The following CHD1L variants were observed in gnomAD, a reference collection of about 807,000 sequenced individuals.
CHD1L encodes chromodomain helicase DNA binding protein 1 like.
CHD1L carries 118 observed loss-of-function variants against 115.9 expected under a neutral mutation model. That is an observed-to-expected ratio of 1.02 (90% CI 0.88 to 1.19). CHD1L has a LOEUF of 1.19. Among genes scored for constraint, CHD1L ranks in the 50% most tolerant of loss-of-function variants. The pLI, the probability that CHD1L is intolerant of heterozygous loss-of-function variation, is 0.00. For missense variants in CHD1L, 1,179 were observed against 1,065.3 expected (o/e 1.11, Z -1.49); for synonymous variants, 411 against 387.1 (o/e 1.06, Z -0.72).
chr1:147,254,473 T>C (rs914904562), intron 2 of CHD1L, among the ~76,000 whole-genome samples: 1 of 152,188 alleles, frequency 6.6e-6, no homozygotes, highest in Non-Finnish European at 1.5e-5. Context: ...AGGGCCACCA[T>C]GCGATTGGCC....
chr1:147,205,965 C>G, the CHD1L span, among the ~76,000 whole-genome samples: 1 of 152,068 alleles, frequency 6.6e-6, no homozygotes, highest in Non-Finnish European at 1.5e-5. Flanking sequence ...AAACTACCAT[C>G]AAAGTGAACA....
At chr1:147,239,280 C>T (rs1424111188), upstream of CHD1L, among the ~76,000 whole-genome samples, 1 of 152,220 alleles carries the variant, frequency 6.6e-6, no homozygotes, top group African/African-American at 2.4e-5. Context: ...CATCTCTCAG[C>T]CGCTGGCTAA....
At chr1:147,213,400 G>A in the CHD1L span, 1 of 1,613,708 alleles carries the variant, frequency 6.2e-7, no homozygotes, top group South Asian at 1.1e-5. Flanking sequence ...TTTCCCTTCA[G>A]ATTCAGTGAC....
At chr1:147,226,619 G>A in the CHD1L span, among the ~76,000 whole-genome samples, 1 of 152,120 alleles carries the variant, frequency 6.6e-6, no homozygotes, top group East Asian at 1.9e-4. Flanking sequence ...TGACAGATGT[G>A]AGGGGTTGTA....
chr1:147,282,744 C>T (rs906857190), intron 15 of CHD1L, among the ~76,000 whole-genome samples: 14 of 152,146 alleles, frequency 9.2e-5, no homozygotes, highest in African/African-American at 1.4e-4. Context: ...ATTTTCCTAA[C>T]GTTTACTAGA....
the CHD1L span, among the ~76,000 whole-genome samples, chr1:147,220,576 G>A: frequency 6.6e-6 from 1 of 152,342 alleles, no homozygotes. Flanking sequence ...CAACTTTACA[G>A]TGTGGCAAAA....
At chr1:147,225,116 T>C in the CHD1L span, 5 of 1,599,688 alleles carry the variant, frequency 3.1e-6, no homozygotes, top group South Asian at 1.1e-5. Flanking sequence ...TTAACATTTT[T>C]CAAGGAAGAC....
In CHD1L at chr1:147,286,458, C is replaced by G; in HGVS notation, c.2179C>G (p.Pro727Ala). 1 of 1,614,076 alleles carries G rather than the reference C, an allele frequency of 6.2e-7. No homozygotes were observed. The highest frequency in any genetic ancestry group is 8.5e-7 in the Non-Finnish European group (1 of 1,180,028). The change falls in exon 18 of 23, where the codon CCT becomes GCT. Residue 727 changes from proline to alanine, a missense_variant. Physicochemically the swap from Pro to Ala is conservative, Grantham distance 27. Coordinates refer to ENST00000369258, the MANE Select transcript of CHD1L (RefSeq NM_004284.6). Reference sequence around the variant, plus strand: ...GTACGTTAGTGGTGATGTCACCCACCCTCAGGCTGGGGCCGAGGATGCTCT... The same window carrying G: ...GTACGTTAGTGGTGATGTCACCCACGCTCAGGCTGGGGCCGAGGATGCTCT... ...LKYVSGDVTH[P>A]QAGAEDALIV...
At chr1:147,271,030 A>T (rs1553952654) in intron 11 of CHD1L, 25 bp downstream of exon 11, 1 of 1,581,558 alleles carries the variant, frequency 6.3e-7, no homozygotes, top group East Asian at 2.2e-5. Flanking sequence ...CCACTACATT[A>T]CCTAAGGCTC....
chr1:147,263,022 T>C (rs1553945307), intron 6 of CHD1L, among the ~76,000 whole-genome samples: 1 of 152,198 alleles, frequency 6.6e-6, no homozygotes, highest in African/African-American at 2.4e-5. Flanking sequence ...AAATATTGTG[T>C]ATATACGTGT....
chr1:147,292,563 A>G (rs1685933535), intron 20 of CHD1L, among the ~76,000 whole-genome samples: 1 of 152,212 alleles, frequency 6.6e-6, no homozygotes. Flanking sequence ...GAGACTGGGT[A>G]ATTTACAAAG....
upstream of CHD1L, among the ~76,000 whole-genome samples, chr1:147,238,820 T>C (rs1227392569): frequency 6.6e-6 from 1 of 152,242 alleles, no homozygotes; most frequent in Admixed American, 6.5e-5. Flanking sequence ...TTGTTTTTAC[T>C]AACCCTGTTT....
chr1:147,273,832 T>A (rs747716666), intron 12 of CHD1L, among the ~76,000 whole-genome samples: 5 of 152,220 alleles, frequency 3.3e-5, no homozygotes, highest in African/African-American at 7.2e-5. Context: ...TTGTTGTAGT[T>A]TTGCAGTATT....
the CHD1L span, among the ~76,000 whole-genome samples, chr1:147,196,087 C>A: frequency 6.6e-6 from 1 of 152,148 alleles, no homozygotes; most frequent in Non-Finnish European, 1.5e-5. Context: ...TAAGTCTTCT[C>A]ATTATCAGGC....
chr1:147,242,604 C>T (rs1323924811), upstream of CHD1L: 3 of 1,164,422 alleles, frequency 2.6e-6, no homozygotes, highest in South Asian at 1.3e-4. Flanking sequence ...GCGCCTCGCT[C>T]GTAGGTGGGC....
intron 13 of CHD1L, among the ~76,000 whole-genome samples, chr1:147,275,889 C>A (rs1276032006): frequency 6.6e-6 from 1 of 152,080 alleles, no homozygotes; most frequent in Non-Finnish European, 1.5e-5. Flanking sequence ...ATGGTTACCC[C>A]ATCATTCTTT....
At chr1:147,255,158 A>G (rs1229977506) in intron 3 of CHD1L, among the ~76,000 whole-genome samples, 182 bp downstream of exon 3, 2 of 152,238 alleles carry the variant, frequency 1.3e-5, no homozygotes, top group African/African-American at 4.8e-5. Flanking sequence ...TAATATTATT[A>G]CTATTTGGCA....
At chr1:147,188,249 G>A in the CHD1L span, among the ~76,000 whole-genome samples, 6 of 152,088 alleles carry the variant, frequency 3.9e-5, no homozygotes, top group African/African-American at 9.7e-5. Flanking sequence ...GAGGTTGGGC[G>A]TGGTGTTTCA....
At position 147,256,560 on chromosome 1, in the gene CHD1L, A is replaced by G; in HGVS notation, c.492A>G (p.Lys164=). Residue 164 remains lysine, a splice_region_variant and synonymous_variant, in exon 5 of 23, where the codon AAA becomes AAG. Transcript: ENST00000369258. ...GCTTGAAAGATGCATCATTTCTAAAATCGTGAGTAGGTTGTACTATTTAAG... is the reference window on the plus strand; with the variant it reads ...GCTTGAAAGATGCATCATTTCTAAAGTCGTGAGTAGGTTGTACTATTTAAG... ...EICLKDASFL[K]SFPWSVLVVD... 2 of 1,613,296 alleles carry G rather than the reference A, an allele frequency of 1.2e-6. No individual in the cohort carries two copies. The highest frequency in any genetic ancestry group is 1.7e-6 in the Non-Finnish European group (2 of 1,179,350).
Sources: allele counts gnomAD v4.1 joint callset (sites outside exome capture counted in the v4.1 genomes callset), GRCh38; gene constraint gnomAD v4.1.1; transcripts MANE v1.5; gene names NCBI Gene and HGNC (gene_info 2026-07-23, HGNC 2026-07-21).